NRG3: variants seen among roughly 807,000 people sequenced by gnomAD.
The protein encoded by NRG3 is neuregulin 3.
Under a neutral mutation model 66.9 loss-of-function variants are expected in NRG3, and 31 were observed. The ratio of observed to expected loss-of-function variants is 0.46; its 90% CI spans 0.35 to 0.63. The LOEUF is 0.63. NRG3 is among the 20% of genes least tolerant of loss of function. The probability of loss-of-function intolerance (pLI) is 0.00; values close to 1 mark genes in which losing one functional copy is unlikely to be tolerated. For missense variants in NRG3, 910 were observed against 878.9 expected, an observed-to-expected ratio of 1.04 and a Z score of -0.45; for synonymous variants, 393 against 359.4, an observed-to-expected ratio of 1.09 and a Z score of -1.06.
chr10:82,758,156 G>T lies in NRG3; in HGVS notation c.1027+19506G>T, dbSNP rs75901310. On this transcript the variant is annotated intron_variant, in intron 3 of 8. Coordinates refer to ENST00000372141, the MANE Select transcript of NRG3 (RefSeq NM_001010848.4). The stretch of plus-strand genomic sequence containing the variant: ...TTACAAGCCTGATTCTGCTTTTATT[G>T]TGTCATTTGAGGTTGACCTTTATGC... 4.7e-3 allele frequency among the ~76,000 whole-genome samples: 714 copies of T among 152,134 alleles called. 4 individuals carry two copies. Among genetic ancestry groups the T allele is most frequent in the African/African-American group, 0.016 (658 of 41,548 alleles).
chr10:82,102,133 CATATATATATAT>C lies in NRG3; in HGVS notation c.823+225993_823+226004del, dbSNP rs369498870. Among the ~76,000 whole-genome samples, 17 of 26,292 alleles carry C rather than the reference CATATATATATAT, an allele frequency of 6.5e-4. 1 individual carries two copies. Among genetic ancestry groups the C allele is most frequent in the East Asian group, 3.1e-3 (3 of 972 alleles). 17.2% of individuals were successfully genotyped at this position (26,292 alleles called of 152,430 possible). The stretch of plus-strand genomic sequence containing the variant: ...GTATTCATATATATATATGTGTATT[CATATATATATAT>C]ATATATATATATATATATATATGAA... On this transcript the variant is annotated intron_variant, in intron 1 of 8. Transcript: ENST00000372141.
intron 2 of NRG3, among the ~76,000 whole-genome samples, chr10:82,386,592 C>A (rs900486171): frequency 2.0e-5 from 3 of 152,056 alleles, no homozygotes; most frequent in Admixed American, 2.0e-4. Flanking sequence ...AACATTTAAT[C>A]TCAAAGGTCA....
At chr10:82,959,624 A>G (rs988178550) in intron 6 of NRG3, among the ~76,000 whole-genome samples, 1 of 152,198 alleles carries the variant, frequency 6.6e-6, no homozygotes, top group Non-Finnish European at 1.5e-5. Flanking sequence ...CAAAGGGCTA[A>G]GAGCTAGAAG....
intron 1 of NRG3, among the ~76,000 whole-genome samples, chr10:82,157,952 T>G (rs906526084): frequency 5.3e-5 from 8 of 151,724 alleles, no homozygotes; most frequent in Non-Finnish European, 4.4e-5. Context: ...TGATACTGAA[T>G]GTTCCTGTGA....
intron 1 of NRG3, among the ~76,000 whole-genome samples, chr10:82,202,554 A>G (rs780812420): frequency 2.6e-5 from 4 of 152,152 alleles, no homozygotes; most frequent in Admixed American, 6.5e-5. Flanking sequence ...ATTATTTTCT[A>G]TTTTACAAAT....
At chr10:82,012,045 A>G (rs1478229154) in intron 1 of NRG3, among the ~76,000 whole-genome samples, 1 of 152,116 alleles carries the variant, frequency 6.6e-6, no homozygotes, top group African/African-American at 2.4e-5. Context: ...TTCACTTCCC[A>G]CACTGCCCTA....
At chr10:82,059,899 A>G (rs1375789256) in intron 1 of NRG3, among the ~76,000 whole-genome samples, 3 of 152,158 alleles carry the variant, frequency 2.0e-5, no homozygotes, top group African/African-American at 7.2e-5. Context: ...ATAACATTGT[A>G]TTTGAATATG....
In NRG3 at chr10:82,564,896, G is replaced by A. The variant is rs149499862; in HGVS notation, c.954-173681G>A. ...CAAAAGGCACCTTCCCAATTTGTGT[G>A]TTCTTTCTTTTAATCTTGACAAAAG... On this transcript the variant is annotated intron_variant, in intron 2 of 8. Coordinates refer to ENST00000372141, the MANE Select transcript of NRG3 (RefSeq NM_001010848.4). Among the ~76,000 whole-genome samples the A allele has an allele frequency of 6.6e-5, 10 of 152,240 alleles. No homozygotes were observed. In the South Asian group the frequency reaches 1.0e-3, roughly 16 times the overall value.
intron 1 of NRG3, among the ~76,000 whole-genome samples, chr10:82,014,817 A>G (rs1448811438): frequency 1.3e-5 from 2 of 152,118 alleles, no homozygotes; most frequent in African/African-American, 2.4e-5. Flanking sequence ...TATTCAGAGG[A>G]GCCTAGAAAT....
intron 1 of NRG3, among the ~76,000 whole-genome samples, chr10:82,201,011 C>G (rs1371468361): frequency 6.6e-6 from 1 of 151,964 alleles, no homozygotes; most frequent in African/African-American, 2.4e-5. Flanking sequence ...GCCTGGCCAA[C>G]ATGGTGAAAC....
intron 2 of NRG3, among the ~76,000 whole-genome samples, chr10:82,643,666 ATC>A (rs1417956351): frequency 6.6e-6 from 1 of 152,062 alleles, no homozygotes; most frequent in African/African-American, 2.4e-5. Context: ...TCCAAAATTT[ATC>A]TGTTTTTCTT....
chr10:81,884,058 T>C (rs1464116125), intron 1 of NRG3, among the ~76,000 whole-genome samples: 1 of 152,178 alleles, frequency 6.6e-6, no homozygotes, highest in Non-Finnish European at 1.5e-5. Flanking sequence ...ATCTCACTGA[T>C]AGAGTTAATC....
At chr10:82,497,430 T>C (rs1229617562) in intron 2 of NRG3, among the ~76,000 whole-genome samples, 1 of 152,174 alleles carries the variant, frequency 6.6e-6, no homozygotes, top group South Asian at 2.1e-4. Flanking sequence ...TCTCTTCAGC[T>C]TTTTTAGATT....
chr10:82,104,767 C>T (rs530506559), intron 1 of NRG3, among the ~76,000 whole-genome samples: 4 of 152,146 alleles, frequency 2.6e-5, no homozygotes, highest in Non-Finnish European at 4.4e-5. Context: ...ATATACCTGT[C>T]TGTATTTAAA....
intron 1 of NRG3, among the ~76,000 whole-genome samples, chr10:81,979,825 A>T (rs1318318355): frequency 6.6e-6 from 1 of 152,190 alleles, no homozygotes; most frequent in Non-Finnish European, 1.5e-5. Context: ...AAAATTTTAA[A>T]TAAATTAATA....
chr10:82,769,238 A>T (rs972065083), intron 3 of NRG3, among the ~76,000 whole-genome samples: 11 of 152,068 alleles, frequency 7.2e-5, no homozygotes, highest in African/African-American at 2.7e-4. Flanking sequence ...TTCTCATGTG[A>T]CTTCTATTCT....
intron 2 of NRG3, among the ~76,000 whole-genome samples, chr10:82,710,586 C>CAAAA (rs59857324): frequency 4.9e-4 from 36 of 73,696 alleles, no homozygotes; most frequent in Admixed American, 8.7e-4. Flanking sequence ...GACTCCATCT[C>CAAAA]AAAAAAAAAA....
chr10:82,481,707 G>A (rs964647895), intron 2 of NRG3, among the ~76,000 whole-genome samples: 6 of 152,168 alleles, frequency 3.9e-5, no homozygotes, highest in Admixed American at 2.6e-4. Flanking sequence ...ATTCTAGGCC[G>A]GGCACGATGG....
intron 4 of NRG3, among the ~76,000 whole-genome samples, chr10:82,938,600 T>C (rs900698821): frequency 2.0e-5 from 3 of 152,236 alleles, no homozygotes; most frequent in African/African-American, 7.2e-5. Context: ...AGGAGTTAGA[T>C]TCCTTTAGCT....
Sources: allele counts gnomAD v4.1 joint callset (sites outside exome capture counted in the v4.1 genomes callset), GRCh38; gene constraint gnomAD v4.1.1; transcripts MANE v1.5; gene names NCBI Gene and HGNC (gene_info 2026-07-23, HGNC 2026-07-21).